Variants in LRRCC1 observed in about 807,000 individuals in gnomAD.
LRRCC1 encodes the protein leucine rich repeat and coiled-coil centrosomal protein 1, also known as leucine-rich repeat and coiled-coil domain-containing protein 1.
Under a neutral mutation model 126.0 loss-of-function variants are expected in LRRCC1, and 115 were observed. That is an observed-to-expected ratio of 0.91 (90% CI 0.78 to 1.07). The LOEUF (loss-of-function observed/expected upper bound fraction) is 1.07, where lower values mean the gene tolerates loss of function less well. LRRCC1 is among the 50% of genes least tolerant of loss of function. The probability of loss-of-function intolerance (pLI) is 0.00; values close to 1 mark genes in which losing one functional copy is unlikely to be tolerated. For missense variants in LRRCC1, 1,172 were observed against 1,175.7 expected (o/e 1.00, Z 0.05); for synonymous variants, 400 against 393.4 (o/e 1.02, Z -0.20).
chr8:85,133,421 A>G (rs1349465334), intron 12 of LRRCC1, among the ~76,000 whole-genome samples: 3 of 151,696 alleles, frequency 2.0e-5, no homozygotes, highest in Non-Finnish European at 4.4e-5. Context: ...TTCTATACAC[A>G]CTCATTCTCT....
intron 1 of LRRCC1, 157 bp from the exon 2 acceptor site, chr8:85,109,438 G>A (rs973262102): frequency 1.4e-5 from 8 of 580,186 alleles, no homozygotes; most frequent in South Asian, 4.9e-5. Context: ...AAGAAGCACC[G>A]TGTTTTGTGA....
chr8:85,110,324 A>C, intron 3 of LRRCC1, 144 bp downstream of exon 3: 1 of 397,724 alleles, frequency 2.5e-6, no homozygotes. Flanking sequence ...TATTCCAGTC[A>C]TGATTCTATT....
rs975625284 is a variant in LRRCC1 at position 85,145,735 on chromosome 8, A to G, written c.*224A>G. The G allele has an allele frequency of 1.2e-4, 32 of 276,166 alleles. 1 individual carries two copies. In the South Asian group the frequency reaches 1.2e-3, roughly 10 times the overall value. 17.1% of individuals were successfully genotyped at this position (276,166 alleles called of 1,614,324 possible). A position where few individuals can be genotyped will look rare whatever the true frequency, so the allele number is the denominator to read the frequency against. ...TATTAGAAAAAACTATCATAACTAG[A>G]CTTACAATATTTTTCTTGTTTCTGT... On this transcript the variant is annotated 3_prime_UTR_variant, in exon 19 of 19. Transcript: ENST00000360375.
In LRRCC1 at chr8:85,138,400, A is replaced by T; in HGVS notation, c.2765A>T (p.Lys922Ile). Reference protein sequence around the residue: ...ELLCHLETQVKEVKEKFENKE... With the variant: ...ELLCHLETQVIEVKEKFENKE... ...CTATGTCATCTTGAAACACAAGTAA[A>T]AGAAGTGAAAGAAAAATTTGAAAAC... The change falls in exon 17 of 19, where the codon AAA (lysine) becomes ATA (isoleucine). Residue 922 changes from lysine to isoleucine, a missense_variant. Lys to Ile is a moderately radical substitution (Grantham distance 102, BLOSUM62 -3). Coordinates refer to ENST00000360375, the MANE Select transcript of LRRCC1 (RefSeq NM_033402.5). 1 of 1,612,550 alleles carries T rather than the reference A, an allele frequency of 6.2e-7. No individual in the cohort carries two copies. Among genetic ancestry groups the T allele is most frequent in the Non-Finnish European group, 8.5e-7 (1 of 1,179,204 alleles).
intron 6 of LRRCC1, among the ~76,000 whole-genome samples, chr8:85,119,887 T>G (rs1809407609): frequency 6.6e-6 from 1 of 152,252 alleles, no homozygotes; most frequent in African/African-American, 2.4e-5. Context: ...CTCTGAGCAC[T>G]GCTTTAGCTA....
rs377342030 is a variant in LRRCC1 at position 85,120,235 on chromosome 8, A to G, written c.931-3178A>G. Among the ~76,000 whole-genome samples, 24 of 152,316 alleles carry G rather than the reference A, an allele frequency of 1.6e-4. No homozygotes were observed. The East Asian group carries it at 4.2e-3, about 27-fold the overall frequency. On this transcript the variant is annotated intron_variant, in intron 6 of 18. Transcript: ENST00000360375. ...AGTCAGGATGATTCATAGTATTTTC[A>G]GGTGAACCATGTCTTTACTCATTTT...
intron 4 of LRRCC1, 82 bp downstream of exon 4, chr8:85,113,181 T>A: frequency 2.0e-6 from 2 of 1,009,118 alleles, no homozygotes; most frequent in Non-Finnish European, 2.9e-6. Flanking sequence ...ATTCGTGACC[T>A]CATTTTAGTC....
At position 85,123,432 on chromosome 8, in the gene LRRCC1, A is replaced by G; in HGVS notation, c.950A>G (p.Asn317Ser). ...LLNETSNSIDNVLEKDPRPKR... is the reference protein window; with the variant it reads ...LLNETSNSIDSVLEKDPRPKR... ...TTTTAGACTTCTAATTCAATAGATA[A>G]CGTTCTTGAGAAAGACCCCAGACCA... The change falls in exon 7 of 19, where the codon AAC (asparagine) becomes AGC (serine). Residue 317 changes from asparagine (N) to serine (S), a missense_variant. Physicochemically the swap from Asn to Ser is conservative, Grantham distance 46. Coordinates refer to ENST00000360375, the MANE Select transcript of LRRCC1 (RefSeq NM_033402.5). 1 of 1,596,762 alleles carries G rather than the reference A, an allele frequency of 6.3e-7. No homozygotes were observed. Among genetic ancestry groups the G allele is most frequent in the Non-Finnish European group, 8.5e-7 (1 of 1,175,404 alleles).
chr8:85,114,116 TC>T (rs567351408), intron 4 of LRRCC1, among the ~76,000 whole-genome samples: 89 of 152,204 alleles, frequency 5.8e-4, no homozygotes, highest in African/African-American at 2.1e-3. Context: ...TTCCATAGTC[TC>T]CCTGAAAATC....
intron 18 of LRRCC1, among the ~76,000 whole-genome samples, chr8:85,144,468 ATATATATT>A (rs1393235796): frequency 1.4e-3 from 56 of 40,486 alleles, no homozygotes; most frequent in African/African-American, 5.0e-3. Context: ...ATATATATAT[ATATATATT>A]TTTTTTTTTT....
chr8:85,143,244 C>T (rs1811383789), intron 18 of LRRCC1, among the ~76,000 whole-genome samples: 1 of 152,028 alleles, frequency 6.6e-6, no homozygotes, highest in Admixed American at 6.6e-5. Context: ...TTGCTTGAAC[C>T]CAGGAGGCAG....
intron 12 of LRRCC1, among the ~76,000 whole-genome samples, chr8:85,132,635 C>T (rs753629366): frequency 6.6e-6 from 1 of 152,052 alleles, no homozygotes; most frequent in Non-Finnish European, 1.5e-5. Context: ...TCAGATGATC[C>T]GCCTGCCTCG....
At chr8:85,113,120 A>AT (rs1587370763) in intron 4 of LRRCC1, 21 bp downstream of exon 4, 5 of 1,568,880 alleles carry the variant, frequency 3.2e-6, no homozygotes, top group Middle Eastern at 1.7e-4. Flanking sequence ...TTAATTTAAT[A>AT]TTTTTTCTAA....
Position 85,135,822 on chromosome 8 carries a change from G to A in LRRCC1, c.2188G>A (p.Asp730Asn), listed in dbSNP as rs1231772548. ...QINTLEILIE[D>N]DKQKSIQIEL... ...CAACACCCTTGAAATTTTAATTGAA[G>A]ATGACAAGCAGAAGAGTATTCAAAT... Residue 730 changes from aspartate to asparagine, a missense_variant, in exon 14 of 19, where the codon GAT (aspartate) becomes AAT (asparagine). Asp to Asn is a conservative substitution (Grantham distance 23). Coordinates refer to ENST00000360375, the MANE Select transcript of LRRCC1 (RefSeq NM_033402.5). 22 of 1,562,528 alleles carry A rather than the reference G, an allele frequency of 1.4e-5. No homozygotes were observed. The highest frequency in any genetic ancestry group is 1.9e-5 in the Non-Finnish European group (22 of 1,155,088).
intron 3 of LRRCC1, among the ~76,000 whole-genome samples, chr8:85,110,755 AATAT>A (rs1808645879): frequency 6.6e-6 from 1 of 152,242 alleles, no homozygotes; most frequent in Non-Finnish European, 1.5e-5. Flanking sequence ...TTTTATCTGT[AATAT>A]AGCTAAGGAG....
intron 12 of LRRCC1, 41 bp downstream of exon 12, chr8:85,132,002 G>A (rs1810505933): frequency 1.3e-6 from 2 of 1,532,744 alleles, no homozygotes; most frequent in Non-Finnish European, 1.8e-6. Context: ...AACAGAATCA[G>A]TAAGATATGG....
chr8:85,129,811 C>A, intron 10 of LRRCC1, 108 bp from the exon 11 acceptor site: 1 of 833,414 alleles, frequency 1.2e-6, no homozygotes, highest in Non-Finnish European at 1.8e-6. Context: ...GTTTGAAAAT[C>A]AACTTAGTCA....
chr8:85,145,135 A>ATATATATG (rs71273924), intron 18 of LRRCC1, among the ~76,000 whole-genome samples: 1 of 149,752 alleles, frequency 6.7e-6, no homozygotes, highest in Non-Finnish European at 1.5e-5. Flanking sequence ...ATATATATAT[A>ATATATATG]GCCATGTCTT....
At chr8:85,133,146 G>A (rs1009447040) in intron 12 of LRRCC1, among the ~76,000 whole-genome samples, 4 of 152,124 alleles carry the variant, frequency 2.6e-5, no homozygotes, top group Non-Finnish European at 5.9e-5. Flanking sequence ...CTAGCATTGC[G>A]CTATCAAAGC....
Sources: allele counts gnomAD v4.1 joint callset (sites outside exome capture counted in the v4.1 genomes callset), GRCh38; gene constraint gnomAD v4.1.1; transcripts MANE v1.5; gene names NCBI Gene and HGNC (gene_info 2026-07-23, HGNC 2026-07-21).